AK9: variants seen among roughly 807,000 people sequenced by gnomAD.
The protein encoded by AK9 is adenylate kinase 9, also known as adenylate kinase domain containing 1.
A neutral mutation model predicts 239.6 loss-of-function variants in AK9; 191 were observed. The ratio of observed to expected loss-of-function variants is 0.80; its 90% CI spans 0.71 to 0.90. The LOEUF (loss-of-function observed/expected upper bound fraction) is 0.90. Among genes scored for constraint, AK9 ranks in the 40% least tolerant of loss-of-function variants. The pLI, the probability that AK9 is intolerant of heterozygous loss-of-function variation, is 0.00. For missense variants in AK9, 1,995 were observed against 2,214.7 expected (o/e 0.90, Z 1.99); for synonymous variants, 689 against 721.0 (o/e 0.96, Z 0.71).
At chr6:109,563,791 GA>G in intron 23 of AK9, 79 bp from the exon 24 acceptor site, 1 of 1,391,118 alleles carries the variant, frequency 7.2e-7, no homozygotes, top group South Asian at 1.4e-5. Context: ...CAAATGTTGG[GA>G]AAATTGATTA....
At chr6:109,684,509 G>A (rs1261256758) in intron 1 of AK9, among the ~76,000 whole-genome samples, 3 of 151,860 alleles carry the variant, frequency 2.0e-5, no homozygotes, top group Admixed American at 6.6e-5. Context: ...TCTGACAAAG[G>A]GCTAATATCC....
At chr6:109,647,889 C>T (rs1798303349) in intron 8 of AK9, among the ~76,000 whole-genome samples, 5 of 152,148 alleles carry the variant, frequency 3.3e-5, no homozygotes, top group Admixed American at 3.3e-4. Context: ...AACAAACTGT[C>T]TCTCAGACCA....
intron 29 of AK9, among the ~76,000 whole-genome samples, chr6:109,524,316 T>C (rs1780191735): frequency 6.6e-6 from 1 of 152,128 alleles, no homozygotes; most frequent in South Asian, 2.1e-4. Context: ...TCCCAGGACA[T>C]GTGGAACAAC....
chr6:109,575,191 T>C (rs1460457591), intron 20 of AK9, among the ~76,000 whole-genome samples: 2 of 152,214 alleles, frequency 1.3e-5, no homozygotes, highest in African/African-American at 4.8e-5. Flanking sequence ...TATGGGTAGA[T>C]ACCCAGTAGT....
intron 8 of AK9, among the ~76,000 whole-genome samples, chr6:109,652,745 T>C (rs1026016148): frequency 1.3e-5 from 2 of 152,146 alleles, no homozygotes; most frequent in African/African-American, 4.8e-5. Context: ...AAAAAGTACA[T>C]AGAAACAGTT....
At chr6:109,493,880 T>C (rs1776773988) in intron 40 of AK9, 101 bp downstream of exon 40, 2 of 868,694 alleles carry the variant, frequency 2.3e-6, no homozygotes, top group South Asian at 3.5e-5. Flanking sequence ...TCTCTTTCTC[T>C]CTCACCAAGC....
At position 109,612,065 on chromosome 6, in the gene AK9, T is replaced by C. The variant is rs369706804; in HGVS notation, c.1638A>G (p.Thr546=). ...DDGKETGETF[T]FKRHSQDASQ... is the part of the protein sequence containing the mutation. ...TAGCATCTTGAGAATGCCTTTTAAA[T>C]GTGAATGTTTCACCAGTTTCTTTTC... The change falls in exon 16 of 41, where the codon ACA becomes ACG. Residue 546 remains threonine, a synonymous_variant. Coordinates refer to ENST00000424296, the MANE Select transcript of AK9 (RefSeq NM_001145128.3). 6.5e-6 allele frequency: 10 copies of C among 1,541,368 alleles called. No homozygotes were observed. Among genetic ancestry groups the C allele is most frequent in the Non-Finnish European group, 7.0e-6 (8 of 1,142,224 alleles).
intron 19 of AK9, among the ~76,000 whole-genome samples, chr6:109,582,953 G>A (rs767353121): frequency 2.0e-5 from 3 of 152,102 alleles, no homozygotes; most frequent in Non-Finnish European, 2.9e-5. Context: ...GAAAATGATT[G>A]ACTCACTAAA....
chr6:109,530,127 C>T (rs891741115), intron 28 of AK9, among the ~76,000 whole-genome samples: 1 of 152,168 alleles, frequency 6.6e-6, no homozygotes, highest in Non-Finnish European at 1.5e-5. Context: ...CCAAGGTCTC[C>T]ATGAAAACTA....
At chr6:109,664,300 C>A (rs1219878690) in intron 5 of AK9, among the ~76,000 whole-genome samples, 1 of 152,052 alleles carries the variant, frequency 6.6e-6, no homozygotes, top group Non-Finnish European at 1.5e-5. Flanking sequence ...AATGCAATGC[C>A]TAGAATAGCA....
intron 27 of AK9, among the ~76,000 whole-genome samples, chr6:109,536,195 G>A (rs1781966037): frequency 6.6e-6 from 1 of 152,084 alleles, no homozygotes; most frequent in Admixed American, 6.6e-5. Flanking sequence ...AATTACCTTG[G>A]GCAATATGGC....
chr6:109,616,325 T>C (rs1162854485), intron 13 of AK9, among the ~76,000 whole-genome samples: 3 of 152,114 alleles, frequency 2.0e-5, no homozygotes, highest in Non-Finnish European at 2.9e-5. Context: ...ATCAAATCAA[T>C]AGGTCAAAGG....
At chr6:109,591,721 G>A (rs904069912) in intron 17 of AK9, among the ~76,000 whole-genome samples, 10 of 152,130 alleles carry the variant, frequency 6.6e-5, no homozygotes, top group African/African-American at 2.2e-4. Flanking sequence ...AGCATTTGTT[G>A]TAGGTACAGT....
intron 17 of AK9, among the ~76,000 whole-genome samples, chr6:109,594,444 A>G (rs927588132): frequency 7.9e-5 from 12 of 152,238 alleles, no homozygotes; most frequent in Non-Finnish European, 1.6e-4. Context: ...TGCCCAAAGT[A>G]ATTTATAGAT....
intron 1 of AK9, among the ~76,000 whole-genome samples, chr6:109,689,456 C>T (rs1307429553): frequency 1.3e-5 from 2 of 152,232 alleles, no homozygotes; most frequent in Non-Finnish European, 2.9e-5. Flanking sequence ...TCTCCCTGAA[C>T]ACAGGGTAGA....
intron 8 of AK9, among the ~76,000 whole-genome samples, chr6:109,651,400 C>G (rs1479445906): frequency 2.6e-5 from 4 of 152,166 alleles, no homozygotes. Context: ...ACCAGAATCT[C>G]TGGGACATAT....
intron 17 of AK9, among the ~76,000 whole-genome samples, chr6:109,599,911 T>C (rs1477377361): frequency 6.6e-6 from 1 of 152,226 alleles, no homozygotes; most frequent in Non-Finnish European, 1.5e-5. Flanking sequence ...CTTGCGATTT[T>C]TTGCACATTG....
At chr6:109,623,284 A>G (rs1391620822) in intron 12 of AK9, among the ~76,000 whole-genome samples, 1 of 152,190 alleles carries the variant, frequency 6.6e-6, no homozygotes, top group Non-Finnish European at 1.5e-5. Context: ...TCTTTAGTGT[A>G]ACTAGAACTT....
In AK9 at chr6:109,514,227, T is replaced by C. The variant is rs916045732; in HGVS notation, c.4276A>G (p.Thr1426Ala). The C allele has an allele frequency of 1.3e-6, 2 of 1,550,186 alleles. No individual in the cohort carries two copies. The highest frequency in any genetic ancestry group is 2.4e-5 in the East Asian group (1 of 40,914). ...IVGPPKSGKTTVAKKITSEYG... is the reference protein window; with the variant it reads ...IVGPPKSGKTAVAKKITSEYG... Reference sequence around the variant, plus strand: ...ACAAAGGCAAACATACGCTCACCTGTAGTTTTCCCAGATTTTGGAGGCCCC... The same window carrying C: ...ACAAAGGCAAACATACGCTCACCTGCAGTTTTCCCAGATTTTGGAGGCCCC... Residue 1426 changes from threonine to alanine, a missense_variant, in exon 32 of 41, where the codon ACA (threonine) becomes GCA (alanine). Physicochemically the swap from Thr to Ala is moderately conservative, Grantham distance 58. Around this residue, in one of 5 missense-constraint regions of AK9, gnomAD observed 1,290 missense variants for 1,392.7 expected, o/e 0.93. Coordinates refer to ENST00000424296, the MANE Select transcript of AK9 (RefSeq NM_001145128.3).
Sources: allele counts gnomAD v4.1 joint callset (sites outside exome capture counted in the v4.1 genomes callset), GRCh38; gene constraint gnomAD v4.1.1; regional missense constraint gnomAD v4.1.1; transcripts MANE v1.5; gene names NCBI Gene and HGNC (gene_info 2026-07-23, HGNC 2026-07-21).